The following PRSS48 variants were observed in gnomAD, a reference collection of about 807,000 sequenced individuals.
PRSS48 encodes the protein serine protease 48, also known as epidermis-specific serine protease-like protein.
Under a neutral mutation model 25.6 loss-of-function variants are expected in PRSS48, and 21 were observed. The observed-to-expected ratio is 0.82, with a 90% CI of 0.58 to 1.18. The LOEUF is 1.18. Ranked by LOEUF, PRSS48 falls within the 50% of genes most tolerant of loss-of-function variation. The pLI is 0.00. For missense variants in PRSS48, 373 were observed against 399.3 expected (o/e 0.93, Z 0.56); for synonymous variants, 150 against 149.3 (o/e 1.00, Z -0.04).
At chr4:151,283,580 T>G (rs1774460398) in intron 4 of PRSS48, among the ~76,000 whole-genome samples, 1 of 149,828 alleles carries the variant, frequency 6.7e-6, no homozygotes, top group Non-Finnish European at 1.5e-5. Context: ...TACAGTGGCA[T>G]GATCATAGCT....
At chr4:151,288,766 AT>A (rs1279384322) in intron 4 of PRSS48, among the ~76,000 whole-genome samples, 1 of 152,218 alleles carries the variant, frequency 6.6e-6, no homozygotes, top group Non-Finnish European at 1.5e-5. Flanking sequence ...TATTCCATTT[AT>A]AATAGTTTTA....
At chr4:151,280,398 A>G (rs1774100752) in intron 2 of PRSS48, among the ~76,000 whole-genome samples, 2 of 152,130 alleles carry the variant, frequency 1.3e-5, no homozygotes. Context: ...CCCCAGTAAG[A>G]TGACTGCAGC....
chr4:151,277,247 G>A, intron 1 of PRSS48, 23 bp downstream of exon 1: 1 of 1,482,692 alleles, frequency 6.7e-7, no homozygotes, highest in Non-Finnish European at 9.0e-7. Flanking sequence ...GTGGGGTTGA[G>A]AAGGCAGAGG....
At chr4:151,278,272 G>A (rs1453649642) in intron 1 of PRSS48, among the ~76,000 whole-genome samples, 2 of 151,834 alleles carry the variant, frequency 1.3e-5, no homozygotes, top group Non-Finnish European at 2.9e-5. Context: ...TCTTCATAGA[G>A]CATTTTTTTT....
At chr4:151,279,934 T>C (rs1774032275) in exon 2 of PRSS48, 12 of 1,613,436 alleles carry the variant, frequency 7.4e-6, no homozygotes, top group Non-Finnish European at 9.3e-6. Context: ...AGGTTGATAC[T>C]GACAGCAGCA....
At chr4:151,278,143 T>C (rs1375226999) in intron 1 of PRSS48, among the ~76,000 whole-genome samples, 3 of 152,090 alleles carry the variant, frequency 2.0e-5, no homozygotes, top group Middle Eastern at 3.2e-3. Context: ...TTAAACCAAA[T>C]AGCACAAAAG....
chr4:151,289,834 A>G (rs1231760713), intron 4 of PRSS48, among the ~76,000 whole-genome samples: 5 of 152,166 alleles, frequency 3.3e-5, no homozygotes, highest in African/African-American at 1.2e-4. Flanking sequence ...AATCTCAACT[A>G]CTCAGAAGGC....
At chr4:151,288,307 T>C (rs1015354645) in intron 4 of PRSS48, among the ~76,000 whole-genome samples, 2 of 152,072 alleles carry the variant, frequency 1.3e-5, no homozygotes, top group Admixed American at 1.3e-4. Context: ...TAAAAAGACA[T>C]CCAGATTGCA....
exon 4 of PRSS48, chr4:151,283,192 A>G: frequency 3.7e-6 from 6 of 1,613,900 alleles, no homozygotes; most frequent in Non-Finnish European, 4.2e-6. Flanking sequence ...CAGCTCTACA[A>G]TCCCATCGGT....
chr4:151,288,896 A>AG (rs1775072071), intron 4 of PRSS48, among the ~76,000 whole-genome samples: 1 of 152,220 alleles, frequency 6.6e-6, no homozygotes, highest in South Asian at 2.1e-4. Context: ...GAAATTGGCA[A>AG]GCTGATCCTA....
At chr4:151,279,870 G>A in exon 2 of PRSS48, 2 of 1,613,926 alleles carry the variant, frequency 1.2e-6, no homozygotes, top group Non-Finnish European at 1.7e-6. Flanking sequence ...GCCTTGGCAG[G>A]TCAGCCTACA....
chr4:151,278,659 C>T (rs1400417870), intron 1 of PRSS48, among the ~76,000 whole-genome samples: 1 of 152,012 alleles, frequency 6.6e-6, no homozygotes, highest in Non-Finnish European at 1.5e-5. Flanking sequence ...CAGACAGGGT[C>T]TCACTCTCTC....
intron 2 of PRSS48, among the ~76,000 whole-genome samples, chr4:151,280,851 T>TA (rs1171652431): frequency 2.0e-5 from 3 of 151,732 alleles, no homozygotes; most frequent in Admixed American, 6.6e-5. Flanking sequence ...TTCAAAATGC[T>TA]AAAAAAAATT....
chr4:151,287,106 C>T (rs761222176), intron 4 of PRSS48, among the ~76,000 whole-genome samples: 5 of 151,364 alleles, frequency 3.3e-5, no homozygotes, highest in African/African-American at 9.7e-5. Context: ...TTTGGGAGGC[C>T]GAGGCAGGCA....
At chr4:151,287,284 TA>T (rs1192407472) in intron 4 of PRSS48, among the ~76,000 whole-genome samples, 1 of 139,046 alleles carries the variant, frequency 7.2e-6, no homozygotes, top group African/African-American at 2.7e-5. Context: ...GAGGTTTCAG[TA>T]AGTCAAGATC....
At chr4:151,285,888 T>C (rs1353748459) in intron 4 of PRSS48, among the ~76,000 whole-genome samples, 1 of 151,220 alleles carries the variant, frequency 6.6e-6, no homozygotes, top group East Asian at 1.9e-4. Flanking sequence ...AAAATATATA[T>C]ATACATAAAT....
At chr4:151,280,627 A>T (rs1292727690) in intron 2 of PRSS48, among the ~76,000 whole-genome samples, 1 of 152,156 alleles carries the variant, frequency 6.6e-6, no homozygotes, top group African/African-American at 2.4e-5. Context: ...AACAACACTG[A>T]AAGTTCAATG....
At chr4:151,281,026 G>A (rs557134981) in intron 2 of PRSS48, among the ~76,000 whole-genome samples, 8 of 152,198 alleles carry the variant, frequency 5.3e-5, no homozygotes, top group Non-Finnish European at 1.2e-4. Context: ...GGGAAAAACA[G>A]GAAAACACAG....
chr4:151,285,974 T>A (rs1475055019), intron 4 of PRSS48, among the ~76,000 whole-genome samples: 2 of 151,066 alleles, frequency 1.3e-5, no homozygotes, highest in Admixed American at 1.3e-4. Context: ...GTAGGAGATT[T>A]TTTTTCAGCC....
Sources: allele counts gnomAD v4.1 joint callset (sites outside exome capture counted in the v4.1 genomes callset), GRCh38; gene constraint gnomAD v4.1.1; transcripts MANE v1.5; gene names NCBI Gene and HGNC (gene_info 2026-07-23, HGNC 2026-07-21).